TTC17: variants seen among roughly 807,000 people sequenced by gnomAD.
The protein encoded by TTC17 is tetratricopeptide repeat domain 17, also known as tetratricopeptide repeat protein 17.
Under a neutral mutation model 143.8 loss-of-function variants are expected in TTC17, and 58 were observed. The ratio of observed to expected loss-of-function variants is 0.40; its 90% CI spans 0.33 to 0.50. TTC17 has a LOEUF of 0.50. Among genes scored for constraint, TTC17 ranks in the 20% least tolerant of loss-of-function variants. The pLI, the probability that TTC17 is intolerant of heterozygous loss-of-function variation, is 0.49. For missense variants in TTC17, 1,273 were observed against 1,392.5 expected (o/e 0.91, Z 1.37); for synonymous variants, 501 against 497.8 (o/e 1.01, Z -0.09).
At chr11:43,371,799 A>T (rs1856577875) in intron 1 of TTC17, among the ~76,000 whole-genome samples, 1 of 152,208 alleles carries the variant, frequency 6.6e-6, no homozygotes, top group Admixed American at 6.5e-5. Flanking sequence ...CACTTTGGAG[A>T]TTCTAAGGAT....
chr11:43,359,995 AC>A (rs1380912432), intron 1 of TTC17, among the ~76,000 whole-genome samples: 1 of 152,232 alleles, frequency 6.6e-6, no homozygotes, highest in African/African-American at 2.4e-5. Context: ...GACTTCGAAC[AC>A]TTGAGGACAA....
chr11:43,441,536 G>A (rs941030779), intron 16 of TTC17, among the ~76,000 whole-genome samples: 1 of 151,824 alleles, frequency 6.6e-6, no homozygotes, highest in Admixed American at 6.6e-5. Context: ...CCCACCTACA[G>A]CTTACAGAGA....
chr11:43,451,910 A>G (rs1302605789), intron 21 of TTC17, among the ~76,000 whole-genome samples: 1 of 152,244 alleles, frequency 6.6e-6, no homozygotes, highest in African/African-American at 2.4e-5. Flanking sequence ...ACTGTGAGAT[A>G]GCAACTTCCT....
chr11:43,359,317 C>T (rs550437144), intron 1 of TTC17: 12 of 642,440 alleles, frequency 1.9e-5, no homozygotes, highest in African/African-American at 5.8e-5. Flanking sequence ...TCGTTTGGCC[C>T]CCTAGAAGTT....
intron 16 of TTC17, among the ~76,000 whole-genome samples, chr11:43,437,481 C>T (rs1054579114): frequency 6.6e-6 from 1 of 152,172 alleles, no homozygotes; most frequent in Non-Finnish European, 1.5e-5. Flanking sequence ...GAAACAACCA[C>T]TGTTAACTAA....
In TTC17 at chr11:43,443,389, A is replaced by G. The variant is rs937245677; in HGVS notation, c.2316A>G (p.Ser772=). ...AGAATTCAGATGAAACCAAAATGTC[A>G]GAAGAAATACTGGCTTTGGTGGATG... ...EMENSDETKM[S]EEILALVDEF... The change falls in exon 17 of 24, where the codon TCA becomes TCG. Residue 772 remains serine (S), a synonymous_variant. Coordinates refer to ENST00000039989, the MANE Select transcript of TTC17 (RefSeq NM_018259.6). The G allele has an allele frequency of 1.9e-6, 3 of 1,614,020 alleles. No individual in the cohort carries two copies. The African/African-American group carries it at 4.0e-5, about 22-fold the overall frequency.
At chr11:43,387,849 G>A (rs1482881557) in intron 2 of TTC17, among the ~76,000 whole-genome samples, 1 of 152,174 alleles carries the variant, frequency 6.6e-6, no homozygotes, top group Non-Finnish European at 1.5e-5. Context: ...TAGTAATACA[G>A]TCCATCACAA....
intron 15 of TTC17, among the ~76,000 whole-genome samples, chr11:43,410,453 T>A (rs1430151712): frequency 6.6e-6 from 1 of 152,220 alleles, no homozygotes; most frequent in Non-Finnish European, 1.5e-5. Context: ...AAAGATCTTT[T>A]CCTGTGACGT....
At chr11:43,486,188 G>A (rs984225186) in intron 21 of TTC17, among the ~76,000 whole-genome samples, 4 of 151,886 alleles carry the variant, frequency 2.6e-5, no homozygotes, top group Non-Finnish European at 5.9e-5. Context: ...CATTTTCCAC[G>A]GTTTCAGTTA....
intron 16 of TTC17, among the ~76,000 whole-genome samples, chr11:43,438,608 A>G (rs1394671220): frequency 6.6e-6 from 1 of 152,180 alleles, no homozygotes; most frequent in Non-Finnish European, 1.5e-5. Flanking sequence ...TCTGGCACCC[A>G]TTGATATTAC....
At chr11:43,409,506 A>G (rs1443890572) in intron 15 of TTC17, among the ~76,000 whole-genome samples, 1 of 152,118 alleles carries the variant, frequency 6.6e-6, no homozygotes, top group Non-Finnish European at 1.5e-5. Context: ...AATTTTTTTG[A>G]TTGTTTACTA....
intron 16 of TTC17, among the ~76,000 whole-genome samples, chr11:43,417,544 G>A (rs1019889972): frequency 4.6e-5 from 7 of 152,108 alleles, no homozygotes; most frequent in African/African-American, 1.4e-4. Context: ...CAGAATTCAT[G>A]ATAATTGTTG....
rs1857297554 is a variant in TTC17 at position 43,389,534 on chromosome 11, TC to T, written c.250-117del. 1.6e-5 allele frequency: 16 copies of T among 999,980 alleles called. No individual in the cohort carries two copies. In the South Asian group the frequency reaches 2.8e-4, roughly 18 times the overall value. 61.9% of individuals were successfully genotyped at this position (999,980 alleles called of 1,614,324 possible). ...AGTTAACTAAGGGCATTTTCAGAAT[TC>T]TTGTCTTCCTACATAGAGGATTCTG... On this transcript the variant is annotated intron_variant, in intron 2 of 23. Transcript: ENST00000039989.
chr11:43,469,446 C>G (rs1050379702), intron 21 of TTC17, among the ~76,000 whole-genome samples: 2 of 151,916 alleles, frequency 1.3e-5, no homozygotes, highest in African/African-American at 2.4e-5. Context: ...TCATAATAGC[C>G]AATAAAACTG....
chr11:43,372,651 T>C (rs868241839), intron 1 of TTC17, among the ~76,000 whole-genome samples: 1 of 151,940 alleles, frequency 6.6e-6, no homozygotes, highest in Non-Finnish European at 1.5e-5. Context: ...CCACTACGCC[T>C]GGCTAATTTT....
At chr11:43,396,385 T>C in intron 5 of TTC17, 1 of 173,444 alleles carries the variant, frequency 5.8e-6, no homozygotes, top group South Asian at 2.0e-4. Flanking sequence ...CTGACTTAAC[T>C]TCTGAAGTCC....
intron 16 of TTC17, chr11:43,436,022 A>G: frequency 1.6e-6 from 1 of 627,406 alleles, no homozygotes; most frequent in South Asian, 8.1e-5. Context: ...TGGGTGCTGC[A>G]GCTCACTGAT....
intron 5 of TTC17, among the ~76,000 whole-genome samples, chr11:43,393,967 C>T (rs1857484672): frequency 6.6e-6 from 1 of 152,190 alleles, no homozygotes; most frequent in African/African-American, 2.4e-5. Flanking sequence ...CTCACATGGC[C>T]TCATCTGTGT....
chr11:43,441,592 A>G (rs543849633), intron 16 of TTC17, among the ~76,000 whole-genome samples: 1 of 152,216 alleles, frequency 6.6e-6, no homozygotes, highest in South Asian at 2.1e-4. Context: ...ATTTTTTGCT[A>G]ACTCAGAGCA....
Sources: allele counts gnomAD v4.1 joint callset (sites outside exome capture counted in the v4.1 genomes callset), GRCh38; gene constraint gnomAD v4.1.1; transcripts MANE v1.5; gene names NCBI Gene and HGNC (gene_info 2026-07-23, HGNC 2026-07-21).